The following CDK11B variants were observed in gnomAD, a reference collection of about 807,000 sequenced individuals.
CDK11B encodes the protein cyclin dependent kinase 11B.
A neutral mutation model predicts 84.0 loss-of-function variants in CDK11B; 37 were observed. The ratio of observed to expected loss-of-function variants is 0.44; its 90% CI spans 0.34 to 0.58. The LOEUF is 0.58. Among genes scored for constraint, CDK11B ranks in the 20% least tolerant of loss-of-function variants. CDK11B has a pLI of 0.02. For synonymous variants in CDK11B, 269 were observed against 309.8 expected, an observed-to-expected ratio of 0.87 and a Z score of 1.38; for missense variants, 427 against 834.0, an observed-to-expected ratio of 0.51 and a Z score of 6.01.
At chr1:1,639,643 G>A (rs1234035039) in intron 11 of CDK11B, among the ~76,000 whole-genome samples, 3 of 151,838 alleles carry the variant, frequency 2.0e-5, no homozygotes, top group Non-Finnish European at 2.9e-5. Context: ...GGGCAGAGGC[G>A]CTCACAAGGC....
chr1:1,649,403 G>A (rs1641602683), intron 5 of CDK11B, 96 bp downstream of exon 5: 1 of 961,012 alleles, frequency 1.0e-6, no homozygotes, highest in South Asian at 1.4e-5. Flanking sequence ...ACCTGGCTCA[G>A]ATGTGACTTC....
In CDK11B at chr1:1,637,175, A is replaced by G; in HGVS notation, c.1598T>C (p.Leu533Pro). 1 of 1,613,560 alleles carries G rather than the reference A, an allele frequency of 6.2e-7. No individual in the cohort carries two copies. Among genetic ancestry groups the G allele is most frequent in the Non-Finnish European group, 8.5e-7 (1 of 1,179,832 alleles). Residue 533 changes from leucine to proline, a missense_variant, in exon 15 of 20, where the codon CTG (leucine) becomes CCG (proline). This residue lies in a region of CDK11B where 19 missense variants were observed against 22.5 expected (regional missense o/e 0.85). Coordinates refer to ENST00000341832, the MANE Select transcript of CDK11B (RefSeq NM_033486.3). ...PGEVKTLMIQ[L>P]LRGVKHLHDN... is the part of the protein sequence containing the mutation. Reference sequence around the variant, plus strand: ...GTGCAGGTGTTTCACCCCACGCAGCAGCTGGATCATCAGGGTCTTCACCTC... The same window carrying G: ...GTGCAGGTGTTTCACCCCACGCAGCGGCTGGATCATCAGGGTCTTCACCTC...
chr1:1,636,259 A>G, intron 18 of CDK11B, 74 bp downstream of exon 18: 1 of 1,423,180 alleles, frequency 7.0e-7, no homozygotes, highest in East Asian at 2.5e-5. Context: ...GTGGTGAGCC[A>G]GCAGGTAGGC....
At chr1:1,646,467 CTTCT>C (rs1490129615) in intron 5 of CDK11B, 1 of 519,870 alleles carries the variant, frequency 1.9e-6, no homozygotes, top group East Asian at 5.4e-5. Context: ...TATTCCCTGT[CTTCT>C]TTGTGCAGTC....
intron 4 of CDK11B, among the ~76,000 whole-genome samples, chr1:1,650,195 A>AGATGGAATTTGCAGTGAGCTCCG (rs1641772889): frequency 1.4e-5 from 2 of 141,000 alleles, no homozygotes; most frequent in East Asian, 4.5e-4. Flanking sequence ...GCGTGAACCC[A>AGATGGAATTTGCAGTGAGCTCCG]GGAGATGGAA....
At chr1:1,639,628 C>T (rs1639949693) in intron 11 of CDK11B, among the ~76,000 whole-genome samples, 1 of 151,874 alleles carries the variant, frequency 6.6e-6, no homozygotes, top group African/African-American at 2.4e-5. Context: ...CTCAGCAGCA[C>T]TAAGGGGCAG....
chr1:1,639,929 A>G (rs1386426594), intron 11 of CDK11B, among the ~76,000 whole-genome samples: 2 of 151,672 alleles, frequency 1.3e-5, no homozygotes, highest in Admixed American at 6.6e-5. Context: ...TGGTGCCTAC[A>G]TAACCCGCCC....
chr1:1,653,850 ACACACACACACAC>A (rs1642356696), intron 3 of CDK11B, among the ~76,000 whole-genome samples: 26 of 150,172 alleles, frequency 1.7e-4, no homozygotes, highest in African/African-American at 6.1e-4. Flanking sequence ...ACACACACAC[ACACACACACACAC>A]CCGAGCGTGG....
At position 1,637,215 on chromosome 1, in the gene CDK11B, G is replaced by A. The variant is rs780551733; in HGVS notation, c.1571-13C>T. ...GTCTTCACCTCCCCTGGGAGGGAGG[G>A]AAGCTCCCATGTGGACCTGGCTGCC... is the stretch of plus-strand genomic sequence containing the variant. On this transcript the variant is annotated splice_polypyrimidine_tract_variant and intron_variant, in intron 14 of 19. Coordinates refer to ENST00000341832, the MANE Select transcript of CDK11B (RefSeq NM_033486.3). 5 of 1,612,718 alleles carry A rather than the reference G, an allele frequency of 3.1e-6. No individual in the cohort carries two copies. Among genetic ancestry groups the A allele is most frequent in the South Asian group, 1.1e-5 (1 of 91,006 alleles).
At chr1:1,657,615 T>A (rs1340463967) in intron 1 of CDK11B, 117 bp from the exon 2 acceptor site, 2 of 766,072 alleles carry the variant, frequency 2.6e-6, no homozygotes, top group Non-Finnish European at 4.0e-6. Flanking sequence ...AATAAGAAGT[T>A]GTGCCCGGCG....
At chr1:1,654,956 C>A (rs79953085) in intron 3 of CDK11B, among the ~76,000 whole-genome samples, 1 of 152,118 alleles carries the variant, frequency 6.6e-6, no homozygotes, top group Non-Finnish European at 1.5e-5. Flanking sequence ...CCGCGCCCGG[C>A]CTTTTTTTCC....
Position 1,658,961 on chromosome 1 carries a change from C to A in CDK11B, c.-61G>T, listed in dbSNP as rs1557736438. ...CCGCCGCCGCCGCCGGTCCCGGAGCCAGAGAAGAAACAGCAACCGGCGCGC... is the reference window on the plus strand; with the variant it reads ...CCGCCGCCGCCGCCGGTCCCGGAGCAAGAGAAGAAACAGCAACCGGCGCGC... On this transcript the variant is annotated 5_prime_UTR_variant, in exon 1 of 20. Transcript: ENST00000341832. 1.9e-5 allele frequency: 4 copies of A among 205,168 alleles called. No homozygotes were observed. In the South Asian group the frequency reaches 2.3e-4, roughly 12 times the overall value. The allele number at this position is 205,168 out of a possible 1,614,324, so 12.7% of individuals were successfully genotyped here. A position where few individuals can be genotyped will look rare whatever the true frequency, so the allele number is the denominator to read the frequency against.
Position 1,636,772 on chromosome 1 carries a change from C to A in CDK11B, c.1827G>T (p.Trp609Cys), listed in dbSNP as rs1557655509. ...GCTCCCCGAAGATGCAACCCACTGACCACATGTCCACGGCCGTGGAGTATT... is the reference window on the plus strand; with the variant it reads ...GCTCCCCGAAGATGCAACCCACTGAACACATGTCCACGGCCGTGGAGTATT... ...AKEYSTAVDM[W>C]SVGCIFGELL... Residue 609 changes from tryptophan to cysteine, a missense_variant, in exon 17 of 20, where the codon TGG (tryptophan) becomes TGT (cysteine). Trp to Cys is a radical substitution (Grantham distance 215, BLOSUM62 -2). Coordinates refer to ENST00000341832, the MANE Select transcript of CDK11B (RefSeq NM_033486.3). 1 of 1,613,906 alleles carries A rather than the reference C, an allele frequency of 6.2e-7. No homozygotes were observed.
intron 3 of CDK11B, among the ~76,000 whole-genome samples, chr1:1,653,825 T>TACACACACACACACACAC (rs782129056): frequency 2.5e-4 from 31 of 121,844 alleles, no homozygotes; most frequent in African/African-American, 9.5e-4. Flanking sequence ...CTACTAAAAA[T>TACACACACACACACACAC]ACACACACAC....
chr1:1,655,791 C>T (rs1031865810), intron 2 of CDK11B, among the ~76,000 whole-genome samples: 6 of 151,802 alleles, frequency 4.0e-5, no homozygotes, highest in African/African-American at 9.7e-5. Flanking sequence ...GCGTAGTGAC[C>T]GGAACTGCTT....
chr1:1,636,821 C>T (rs753413766), intron 16 of CDK11B, 23 bp from the exon 17 acceptor site: 1 of 1,613,670 alleles, frequency 6.2e-7, no homozygotes, highest in Non-Finnish European at 8.5e-7. Flanking sequence ...GAGAGGTGTT[C>T]AGGAGGGCCA....
At position 1,640,952 on chromosome 1, in the gene CDK11B, C is replaced by T. The variant is rs1281835691; in HGVS notation, c.1075+96G>A. ...AATCAGGCGGCCTCCCAGACCCTGG[C>T]GTGCCCCACGCTGCGCAGGACCGGC... On this transcript the variant is annotated intron_variant, in intron 10 of 19. Coordinates refer to ENST00000341832, the MANE Select transcript of CDK11B (RefSeq NM_033486.3). 16 of 1,578,920 alleles carry T rather than the reference C, an allele frequency of 1.0e-5. 2 individuals carry two copies. The highest frequency in any genetic ancestry group is 5.7e-5 in the African/African-American group (4 of 70,138).
intron 9 of CDK11B, among the ~76,000 whole-genome samples, chr1:1,641,458 G>C (rs1225454170): frequency 6.8e-6 from 1 of 146,362 alleles, no homozygotes; most frequent in African/African-American, 2.5e-5. Context: ...GCAGTGAGCC[G>C]AGATCATGCC....
Position 1,637,126 on chromosome 1 carries a change from G to A in CDK11B, c.1647C>T (p.Asp549=), listed in dbSNP as rs754846030. Residue 549 remains aspartate, a synonymous_variant, in exon 15 of 20, where the codon GAC becomes GAT. Coordinates refer to ENST00000341832, the MANE Select transcript of CDK11B (RefSeq NM_033486.3). ...TCAGCAGCAGGTTGGACGTCTTGAG[G>A]TCACGGTGCAGGATCCAGTTGTCGT... ...HLHDNWILHR[D]LKTSNLLLSH... is the part of the protein sequence containing the mutation. 3.1e-6 allele frequency: 5 copies of A among 1,613,760 alleles called. No homozygotes were observed. Among genetic ancestry groups the A allele is most frequent in the South Asian group, 1.1e-5 (1 of 91,082 alleles).
Sources: allele counts gnomAD v4.1 joint callset (sites outside exome capture counted in the v4.1 genomes callset), GRCh38; gene constraint gnomAD v4.1.1; regional missense constraint gnomAD v4.1.1; transcripts MANE v1.5; gene names NCBI Gene and HGNC (gene_info 2026-07-23, HGNC 2026-07-21).